COLGALT2: variants seen among roughly 807,000 people sequenced by gnomAD.
The protein encoded by COLGALT2 is procollagen galactosyltransferase 2.
Under a neutral mutation model 73.4 loss-of-function variants are expected in COLGALT2, and 49 were observed. The ratio of observed to expected loss-of-function variants is 0.67; its 90% CI spans 0.53 to 0.85. The LOEUF (loss-of-function observed/expected upper bound fraction) is 0.85. Ranked by LOEUF, COLGALT2 falls within the 40% of genes least tolerant of loss-of-function variation. The pLI, the probability that COLGALT2 is intolerant of heterozygous loss-of-function variation, is 0.00. For synonymous variants in COLGALT2, 295 were observed against 307.6 expected, an observed-to-expected ratio of 0.96 and a Z score of 0.43; for missense variants, 722 against 790.2, an observed-to-expected ratio of 0.91 and a Z score of 1.03.
At chr1:183,976,312 C>T (rs1452228598) in intron 2 of COLGALT2, among the ~76,000 whole-genome samples, 1 of 149,600 alleles carries the variant, frequency 6.7e-6, no homozygotes, top group Non-Finnish European at 1.5e-5. Context: ...GCTTGATATA[C>T]AGTCCATGGG....
chr1:183,969,179 G>GTTT (rs10667502), intron 5 of COLGALT2, 90 bp downstream of exon 5: 23,559 of 1,019,618 alleles, frequency 0.023, 13 homozygotes, highest in East Asian at 0.05. Flanking sequence ...ACATATGAGG[G>GTTT]TTTTTTTTTT....
chr1:183,964,183 T>C, intron 5 of COLGALT2, 163 bp from the exon 6 acceptor site: 1 of 584,908 alleles, frequency 1.7e-6, no homozygotes, highest in South Asian at 3.6e-5. Context: ...GCTCCTTTAT[T>C]AAAAAAGTAA....
Position 183,936,616 on chromosome 1 carries a change from A to G in COLGALT2, c.*2145T>C. The G allele has an allele frequency of 8.4e-7, 1 of 1,195,048 alleles. No individual in the cohort carries two copies. Among genetic ancestry groups the G allele is most frequent in the Non-Finnish European group, 1.0e-6 (1 of 965,448 alleles). The allele number at this position is 1,195,048 out of a possible 1,614,324, so 74.0% of individuals were successfully genotyped here. ...CCCCAGCCACCTCCCACCCCATTAA[A>G]AAAGTCATTAAAGTCATGCACACAT... On this transcript the variant is annotated 3_prime_UTR_variant, in exon 12 of 12. Coordinates refer to ENST00000361927, the MANE Select transcript of COLGALT2 (RefSeq NM_015101.4).
At chr1:183,998,702 T>C (rs113688078) in intron 1 of COLGALT2, among the ~76,000 whole-genome samples, 2,115 of 152,254 alleles carry the variant, frequency 0.014, 53 homozygotes, top group African/African-American at 0.047. Context: ...TCCATGTACA[T>C]CTATGTCTCC....
intron 6 of COLGALT2, among the ~76,000 whole-genome samples, chr1:183,963,389 G>T (rs1233719440): frequency 6.6e-6 from 1 of 152,060 alleles, no homozygotes; most frequent in East Asian, 1.9e-4. Context: ...ACACTTTAAT[G>T]TACAAAAAGT....
At chr1:184,019,308 T>C (rs1274395695) in intron 1 of COLGALT2, among the ~76,000 whole-genome samples, 1 of 152,196 alleles carries the variant, frequency 6.6e-6, no homozygotes, top group Admixed American at 6.5e-5. Context: ...ATGAGCTCAC[T>C]GGTTTGAAAT....
chr1:184,027,856 C>T (rs1390061545), intron 1 of COLGALT2, among the ~76,000 whole-genome samples: 2 of 152,216 alleles, frequency 1.3e-5, no homozygotes, highest in South Asian at 2.1e-4. Flanking sequence ...AAAATATTTT[C>T]GTATGCTGGC....
chr1:183,969,734 T>A (rs760108616), intron 4 of COLGALT2, among the ~76,000 whole-genome samples: 22 of 152,248 alleles, frequency 1.4e-4, no homozygotes, highest in Non-Finnish European at 2.8e-4. Context: ...AATAATTTCA[T>A]AAAAGTGTAT....
chr1:184,019,967 C>T (rs1356246302), intron 1 of COLGALT2, among the ~76,000 whole-genome samples: 1 of 152,148 alleles, frequency 6.6e-6, no homozygotes, highest in Admixed American at 6.5e-5. Flanking sequence ...AAACTCCTAA[C>T]CTGTGCTGTA....
intron 1 of COLGALT2, among the ~76,000 whole-genome samples, chr1:184,011,119 T>C (rs924440514): frequency 1.3e-5 from 2 of 152,186 alleles, no homozygotes; most frequent in East Asian, 3.9e-4. Context: ...CTATTTCAGC[T>C]TTTTCAAGAA....
intron 1 of COLGALT2, among the ~76,000 whole-genome samples, chr1:184,028,387 T>G (rs539878020): frequency 6.6e-6 from 1 of 152,146 alleles, no homozygotes; most frequent in Non-Finnish European, 1.5e-5. Context: ...CTCTCTCTTG[T>G]GAGAATGAGA....
chr1:183,990,249 C>T lies in COLGALT2; in HGVS notation c.264-11729G>A, dbSNP rs144407826. 1.4e-4 allele frequency among the ~76,000 whole-genome samples: 22 copies of T among 152,308 alleles called. No individual in the cohort carries two copies. In the East Asian group the frequency reaches 3.7e-3, roughly 25 times the overall value. On this transcript the variant is annotated intron_variant, in intron 1 of 11. Coordinates refer to ENST00000361927, the MANE Select transcript of COLGALT2 (RefSeq NM_015101.4). ...CTTCTGTTTACTCCTCCATTCTTAA[C>T]GCTTAGAACAGTGCCTCACACATAG...
At chr1:183,945,664 C>T (rs1558309946) in intron 8 of COLGALT2, 100 bp from the exon 9 acceptor site, 1 of 1,386,892 alleles carries the variant, frequency 7.2e-7, no homozygotes, top group Non-Finnish European at 9.9e-7. Context: ...CCCTCCCCCA[C>T]ACAGACAAAG....
downstream of COLGALT2, chr1:183,935,790 T>C (rs1206188869): frequency 9.8e-6 from 9 of 917,312 alleles, no homozygotes; most frequent in African/African-American, 7.2e-5. Flanking sequence ...CTCTGCAGCG[T>C]TGGCCATTGA....
chr1:184,011,281 C>T (rs534863701), intron 1 of COLGALT2, among the ~76,000 whole-genome samples: 9 of 152,198 alleles, frequency 5.9e-5, no homozygotes, highest in South Asian at 4.2e-4. Context: ...CTTTGGGAGC[C>T]GATTTAATGA....
chr1:184,027,628 A>G (rs1558343199), intron 1 of COLGALT2, among the ~76,000 whole-genome samples: 1 of 152,198 alleles, frequency 6.6e-6, no homozygotes, highest in Non-Finnish European at 1.5e-5. Flanking sequence ...GGCCACCTCA[A>G]TTACTAATTT....
At chr1:184,021,175 C>A (rs919370041) in intron 1 of COLGALT2, among the ~76,000 whole-genome samples, 4 of 152,042 alleles carry the variant, frequency 2.6e-5, no homozygotes, top group East Asian at 3.8e-4. Context: ...AAAAAGCAAG[C>A]CTTTGAGGTT....
rs1223088340 is a variant in COLGALT2, at chr1:183,975,020, ATGGT to A, written c.492+73_492+76del. 3 of 1,011,072 alleles carry A rather than the reference ATGGT, an allele frequency of 3.0e-6. No homozygotes were observed. The African/African-American group carries it at 4.8e-5, about 16-fold the overall frequency. The allele number at this position is 1,011,072 out of a possible 1,614,324, so 62.6% of individuals were successfully genotyped here. On this transcript the variant is annotated intron_variant, in intron 3 of 11. Transcript: ENST00000361927. ...CAAAAAGGTTGTTTTGATTGCTTCC[ATGGT>A]TCTAGTTTTTGGACGACTGATTTGG...
At chr1:183,994,351 T>C (rs982588578) in intron 1 of COLGALT2, among the ~76,000 whole-genome samples, 21 of 151,984 alleles carry the variant, frequency 1.4e-4, no homozygotes, top group African/African-American at 4.8e-4. Flanking sequence ...CCTTTAATTC[T>C]TACAACATCC....
Sources: allele counts gnomAD v4.1 joint callset (sites outside exome capture counted in the v4.1 genomes callset), GRCh38; gene constraint gnomAD v4.1.1; transcripts MANE v1.5; gene names NCBI Gene and HGNC (gene_info 2026-07-23, HGNC 2026-07-21).